The following FNDC3B variants were observed in gnomAD, a reference collection of about 807,000 sequenced individuals.
FNDC3B encodes fibronectin type III domain containing 3B.
Under a neutral mutation model 151.5 loss-of-function variants are expected in FNDC3B, and 12 were observed. That is an observed-to-expected ratio of 0.08 (90% CI 0.05 to 0.13). The LOEUF is 0.13. Ranked by LOEUF, FNDC3B falls within the 10% of genes least tolerant of loss-of-function variation. FNDC3B has a pLI of 1.00. For missense variants in FNDC3B, 1,214 were observed against 1,505.3 expected, an observed-to-expected ratio of 0.81 and a Z score of 3.20; for synonymous variants, 528 against 549.0, an observed-to-expected ratio of 0.96 and a Z score of 0.54.
rs561564526 is a variant in FNDC3B, at chr3:172,342,634, AC to A, written c.1972-375del. Reference sequence around the variant, plus strand: ...ATGTGAGTGGTTGGCCATTTATGGTACCATTTTAAAATTTCATCCAGCTGTC... The same window carrying A: ...ATGTGAGTGGTTGGCCATTTATGGTACATTTTAAAATTTCATCCAGCTGTC... On this transcript the variant is annotated intron_variant, in intron 17 of 25. Transcript: ENST00000415807. Among the ~76,000 whole-genome samples the A allele has an allele frequency of 3.9e-4, 60 of 152,332 alleles. No individual in the cohort carries two copies. In the East Asian group the frequency reaches 0.011, roughly 28 times the overall value.
At chr3:172,291,221 C>T (rs1730320682) in intron 7 of FNDC3B, among the ~76,000 whole-genome samples, 1 of 152,178 alleles carries the variant, frequency 6.6e-6, no homozygotes, top group African/African-American at 2.4e-5. Flanking sequence ...CTTATACACA[C>T]ACATATAGAA....
chr3:172,064,641 C>A (rs926590683), intron 1 of FNDC3B, among the ~76,000 whole-genome samples: 6 of 152,210 alleles, frequency 3.9e-5, no homozygotes, highest in African/African-American at 1.4e-4. Context: ...TGTAGGAAGT[C>A]CATAGCCATT....
At chr3:172,390,967 CAG>C (rs749124399) in intron 25 of FNDC3B, among the ~76,000 whole-genome samples, 5 of 152,078 alleles carry the variant, frequency 3.3e-5, no homozygotes, top group Non-Finnish European at 7.4e-5. Context: ...AAGACATAGT[CAG>C]AGGCCGTGAA....
chr3:172,196,746 C>T (rs1488637813), intron 3 of FNDC3B, among the ~76,000 whole-genome samples: 1 of 152,106 alleles, frequency 6.6e-6, no homozygotes, highest in Non-Finnish European at 1.5e-5. Flanking sequence ...TTAGGATGAG[C>T]CACACAGATG....
chr3:172,326,401 A>G (rs116822670), intron 11 of FNDC3B, among the ~76,000 whole-genome samples: 2,829 of 152,302 alleles, frequency 0.019, 84 homozygotes, highest in African/African-American at 0.064. Context: ...TGCACATAGT[A>G]GTACATCCTG....
Position 172,109,333 on chromosome 3 carries a change from T to C in FNDC3B, c.-28-3119T>C, listed in dbSNP as rs551796373. Among the ~76,000 whole-genome samples the C allele has an allele frequency of 6.6e-5, 10 of 152,080 alleles. No individual in the cohort carries two copies. In the South Asian group the frequency reaches 1.9e-3, roughly 28 times the overall value. On this transcript the variant is annotated intron_variant, in intron 1 of 25. Coordinates refer to ENST00000415807, the MANE Select transcript of FNDC3B (RefSeq NM_022763.4). ...GGCGCCCGCCACTGCGCCCGGCTAA[T>C]TTTTTTGTATTTTTAGTAGAGACGG...
intron 25 of FNDC3B, among the ~76,000 whole-genome samples, chr3:172,393,184 A>G (rs1736105912): frequency 6.6e-6 from 1 of 152,146 alleles, no homozygotes; most frequent in South Asian, 2.1e-4. Flanking sequence ...CTGAAAGTGA[A>G]AAGTTGGAAA....
intron 1 of FNDC3B, among the ~76,000 whole-genome samples, chr3:172,099,478 G>A (rs1261503881): frequency 8.5e-5 from 13 of 152,104 alleles, no homozygotes; most frequent in Non-Finnish European, 1.6e-4. Flanking sequence ...TACTTCCTTA[G>A]TGTTTGATCA....
chr3:172,312,181 G>A (rs1731536544), intron 11 of FNDC3B, among the ~76,000 whole-genome samples: 1 of 152,146 alleles, frequency 6.6e-6, no homozygotes, highest in Non-Finnish European at 1.5e-5. Flanking sequence ...TGAAAGAGAG[G>A]TCCGTCATCA....
intron 1 of FNDC3B, among the ~76,000 whole-genome samples, chr3:172,087,521 T>A (rs1348738725): frequency 6.6e-6 from 1 of 152,128 alleles, no homozygotes; most frequent in Non-Finnish European, 1.5e-5. Context: ...TGCTTAGAAA[T>A]TTGAAGTGAT....
At chr3:172,381,283 G>A (rs1735424408) in intron 25 of FNDC3B, among the ~76,000 whole-genome samples, 190 bp downstream of exon 25, 1 of 152,096 alleles carries the variant, frequency 6.6e-6, no homozygotes, top group East Asian at 1.9e-4. Flanking sequence ...ATATATGGTG[G>A]TATTCATCTT....
At chr3:172,298,817 T>C (rs771174860) in intron 9 of FNDC3B, 30 bp downstream of exon 9, 76 of 1,547,412 alleles carry the variant, frequency 4.9e-5, no homozygotes, top group Non-Finnish European at 6.6e-5. Flanking sequence ...CCAAACTGTA[T>C]TGGAGAATCC....
intron 7 of FNDC3B, among the ~76,000 whole-genome samples, chr3:172,290,771 CTG>C (rs1730287352): frequency 6.6e-6 from 1 of 152,160 alleles, no homozygotes; most frequent in African/African-American, 2.4e-5. Flanking sequence ...AAACAGATGA[CTG>C]TGAAATTCTT....
rs1733613703 is a variant in FNDC3B, at chr3:172,346,349, C to T, written c.2273C>T (p.Ser758Leu). 7.4e-6 allele frequency: 12 copies of T among 1,612,334 alleles called. No individual in the cohort carries two copies. The East Asian group carries it at 2.7e-4, about 36-fold the overall frequency. The change falls in exon 20 of 26, where the codon TCA (serine) becomes TTA (leucine). Residue 758 changes from serine to leucine, a missense_variant. Physicochemically the swap from Ser to Leu is moderately radical, Grantham distance 145. Around this residue, in one of 7 missense-constraint regions of FNDC3B, gnomAD observed 380 missense variants for 420.9 expected, o/e 0.90. Coordinates refer to ENST00000415807, the MANE Select transcript of FNDC3B (RefSeq NM_022763.4). ...CAGTATGGTCCCTATTCTGATGTCT[C>T]AGAAATTACCACTGCTGCAGGGCCT... ...DGGYGPYSDV[S>L]EITTAAGPPG...
In FNDC3B at chr3:172,229,113, ACACACACACACACACACACACAC is replaced by A. The variant is rs1726749379; in HGVS notation, c.264+2167_264+2189del. 3.1e-4 allele frequency among the ~76,000 whole-genome samples: 47 copies of A among 151,128 alleles called. 1 individual carries two copies. The highest frequency in any genetic ancestry group is 6.6e-5 in the Admixed American group (1 of 15,172). Reference sequence around the variant, plus strand: ...CACACACACACACACACACACACACACACACACACACACACACACACACAATCTCCTGCAGCAGGCTGGACATA... The same window carrying A: ...CACACACACACACACACACACACACAAATCTCCTGCAGCAGGCTGGACATA... On this transcript the variant is annotated intron_variant, in intron 4 of 25. Transcript: ENST00000415807.
chr3:172,196,855 A>C (rs926661864), intron 3 of FNDC3B, among the ~76,000 whole-genome samples: 2 of 152,102 alleles, frequency 1.3e-5, no homozygotes, highest in African/African-American at 4.8e-5. Flanking sequence ...TGGGTTAAAT[A>C]TATGCTTTCG....
chr3:172,397,048 A>G (rs1444795567), intron 25 of FNDC3B, 116 bp from the exon 26 acceptor site: 4 of 747,044 alleles, frequency 5.4e-6, no homozygotes, highest in Non-Finnish European at 8.7e-6. Flanking sequence ...CATCTTTGTT[A>G]TAAGAGTGAA....
rs147332200 is a variant in FNDC3B, at chr3:172,126,037, T to C, written c.112-7434T>C. Among the ~76,000 whole-genome samples, 463 of 152,296 alleles carry C rather than the reference T, an allele frequency of 3.0e-3. 2 individuals are homozygous for C. Among genetic ancestry groups the C allele is most frequent in the Admixed American group, 5.8e-3 (89 of 15,294 alleles). On this transcript the variant is annotated intron_variant, in intron 2 of 25. Coordinates refer to ENST00000415807, the MANE Select transcript of FNDC3B (RefSeq NM_022763.4). ...TGCTTCAGGGTGCAGAATATCGTTT[T>C]GGAGGCCTTGGGAAATAAATCTTGA...
At chr3:172,282,124 T>C (rs1729761686) in intron 6 of FNDC3B, among the ~76,000 whole-genome samples, 1 of 152,142 alleles carries the variant, frequency 6.6e-6, no homozygotes, top group African/African-American at 2.4e-5. Flanking sequence ...ATTTTGACAT[T>C]TTCATACTAG....
Sources: allele counts gnomAD v4.1 joint callset (sites outside exome capture counted in the v4.1 genomes callset), GRCh38; gene constraint gnomAD v4.1.1; regional missense constraint gnomAD v4.1.1; transcripts MANE v1.5; gene names NCBI Gene and HGNC (gene_info 2026-07-23, HGNC 2026-07-21).